TTC39B: variants seen among roughly 807,000 people sequenced by gnomAD.
TTC39B encodes the protein tetratricopeptide repeat protein 39B.
TTC39B carries 92 observed loss-of-function variants against 96.6 expected under a neutral mutation model. The ratio of observed to expected loss-of-function variants is 0.95; its 90% CI spans 0.80 to 1.13. TTC39B has a LOEUF of 1.13. Ranked by LOEUF, TTC39B falls within the 50% of genes most tolerant of loss-of-function variation. The pLI is 0.00. For missense variants in TTC39B, 955 were observed against 809.3 expected (o/e 1.18, Z -2.18); for synonymous variants, 367 against 299.4 (o/e 1.23, Z -2.33).
chr9:15,300,795 A>G (rs1410074882), intron 1 of TTC39B, among the ~76,000 whole-genome samples: 2 of 148,228 alleles, frequency 1.3e-5, no homozygotes, highest in East Asian at 4.2e-4. Context: ...CTGAGGCAGG[A>G]GAATCGGTTG....
At chr9:15,182,317 T>C (rs779421520) in exon 17 of TTC39B, 1 of 1,609,052 alleles carries the variant, frequency 6.2e-7, no homozygotes, top group African/African-American at 1.3e-5. Context: ...TTTGACTTTG[T>C]AAAGCTGCCT....
At chr9:15,225,389 C>A (rs567679527) in intron 3 of TTC39B, among the ~76,000 whole-genome samples, 21 of 152,120 alleles carry the variant, frequency 1.4e-4, no homozygotes, top group Non-Finnish European at 2.6e-4. Flanking sequence ...ATGAACACTT[C>A]TTAAAATATA....
At chr9:15,170,392 A>T (rs1431348647) in exon 20 of TTC39B, 1 of 152,196 alleles carries the variant, frequency 6.6e-6, no homozygotes, top group East Asian at 1.9e-4. Flanking sequence ...TTCATTTTAC[A>T]ACACAAACCA....
At chr9:15,249,038 A>C (rs1822410628) in intron 2 of TTC39B, 1 of 152,232 alleles carries the variant, frequency 6.6e-6, no homozygotes, top group Non-Finnish European at 1.5e-5. Flanking sequence ...AAATTATATG[A>C]ATCTGTTCAA....
exon 20 of TTC39B, chr9:15,169,086 C>A (rs1277262687): frequency 3.9e-5 from 6 of 152,134 alleles, no homozygotes; most frequent in Non-Finnish European, 7.3e-5. Context: ...CTTAAACTCA[C>A]CCCTTTGCAG....
chr9:15,240,691 A>C (rs894880205), intron 2 of TTC39B, among the ~76,000 whole-genome samples: 2 of 152,166 alleles, frequency 1.3e-5, no homozygotes, highest in African/African-American at 2.4e-5. Context: ...AATATGCAAG[A>C]ACAGTATAAT....
Position 15,190,669 on chromosome 9 carries a change from G to C in TTC39B, c.997-7C>G, listed in dbSNP as rs781781556. 6.2e-7 allele frequency: 1 copy of C among 1,607,034 alleles called. No individual in the cohort carries two copies. The highest frequency in any genetic ancestry group is 1.1e-5 in the South Asian group (1 of 90,860). ...ACTGCAGGAGGCCCAACTCCTATGG[G>C]AATTAAATGCATTTTTAGAAAGAGA... On this transcript the variant is annotated splice_polypyrimidine_tract_variant and splice_region_variant and intron_variant, in intron 10 of 19. Coordinates refer to ENST00000512701, the Ensembl canonical transcript of TTC39B.
intron 2 of TTC39B, among the ~76,000 whole-genome samples, chr9:15,236,746 G>A (rs1225180335): frequency 1.3e-5 from 2 of 152,020 alleles, no homozygotes; most frequent in African/African-American, 4.8e-5. Flanking sequence ...TGAAATTAAG[G>A]CAGAAATAAA....
At chr9:15,192,353 C>A (rs1818905741) in intron 9 of TTC39B, among the ~76,000 whole-genome samples, 1 of 152,158 alleles carries the variant, frequency 6.6e-6, no homozygotes, top group Admixed American at 6.5e-5. Context: ...AAAAACCTTA[C>A]TAGTCTATTC....
chr9:15,219,444 T>G (rs976887992), intron 3 of TTC39B, among the ~76,000 whole-genome samples: 17 of 152,304 alleles, frequency 1.1e-4, no homozygotes, highest in African/African-American at 4.1e-4. Flanking sequence ...ATTCATAAGA[T>G]CTATTGATTA....
rs769080516 is a variant in TTC39B, at chr9:15,225,993, C to A, written c.295G>T (p.Ala99Ser). 3 of 1,613,632 alleles carry A rather than the reference C, an allele frequency of 1.9e-6. No individual in the cohort carries two copies. In the African/African-American group the frequency reaches 4.0e-5, roughly 22 times the overall value. ...GATGCAAAGTGAAGGCTGCTTGTTG[C>A]CATATCTGAGTGAGAAGATCTGTTA... Residue 99 changes from alanine to serine, a missense_variant, in exon 3 of 20, where the codon GCA becomes TCA. Physicochemically the swap from Ala to Ser is moderately conservative, Grantham distance 99. Coordinates refer to ENST00000512701, the Ensembl canonical transcript of TTC39B.
chr9:15,246,983 G>T (rs895439142), intron 2 of TTC39B, among the ~76,000 whole-genome samples: 1 of 152,234 alleles, frequency 6.6e-6, no homozygotes, highest in Admixed American at 6.5e-5. Flanking sequence ...ATTAACAGAA[G>T]AATAACATTA....
At chr9:15,297,944 A>G (rs903118013) in intron 1 of TTC39B, among the ~76,000 whole-genome samples, 57 of 152,256 alleles carry the variant, frequency 3.7e-4, no homozygotes, top group African/African-American at 1.3e-3. Context: ...GATTTTATTT[A>G]TGGGTATGTC....
intron 1 of TTC39B, among the ~76,000 whole-genome samples, chr9:15,278,287 T>A (rs1404581380): frequency 6.6e-6 from 1 of 152,174 alleles, no homozygotes; most frequent in Admixed American, 6.5e-5. Context: ...GTTCTGGACA[T>A]AACCCCACAG....
At chr9:15,205,740 A>G (rs1310634153) in intron 6 of TTC39B, among the ~76,000 whole-genome samples, 1 of 152,154 alleles carries the variant, frequency 6.6e-6, no homozygotes, top group Non-Finnish European at 1.5e-5. Flanking sequence ...AGGAATTATG[A>G]GCTATGAAAG....
chr9:15,212,519 G>A (rs1458618789), intron 4 of TTC39B, among the ~76,000 whole-genome samples: 2 of 152,144 alleles, frequency 1.3e-5, no homozygotes, highest in East Asian at 1.9e-4. Flanking sequence ...TCCGCCTCCC[G>A]GGTTCAAGTG....
intron 18 of TTC39B, among the ~76,000 whole-genome samples, 173 bp from the exon 19 acceptor site, chr9:15,175,308 T>G (rs959915112): frequency 6.6e-6 from 1 of 152,218 alleles, no homozygotes; most frequent in Non-Finnish European, 1.5e-5. Context: ...ATAAATAATG[T>G]TCTTTTCCTA....
At chr9:15,233,754 T>C (rs947669652) in intron 2 of TTC39B, among the ~76,000 whole-genome samples, 6 of 152,190 alleles carry the variant, frequency 3.9e-5, no homozygotes, top group Non-Finnish European at 5.9e-5. Flanking sequence ...AGAGCCGAGA[T>C]TGCAGCCTCT....
chr9:15,181,770 C>T lies in TTC39B; in HGVS notation c.1723+537G>A, dbSNP rs138691303. On this transcript the variant is annotated intron_variant, in intron 17 of 19. Coordinates refer to ENST00000512701, the Ensembl canonical transcript of TTC39B. Reference sequence around the variant, plus strand: ...GGGAAGTGCACGTTTCCTTGTGCTGCGCTAAAATTCCAATGCTGGGCTTCC... The same window carrying T: ...GGGAAGTGCACGTTTCCTTGTGCTGTGCTAAAATTCCAATGCTGGGCTTCC... Among the ~76,000 whole-genome samples, 200 of 152,320 alleles carry T rather than the reference C, an allele frequency of 1.3e-3. No individual in the cohort carries two copies. The Middle Eastern group carries it at 0.017, about 13-fold the overall frequency.
Sources: gnomAD v4.1 joint callset for allele counts (sites outside exome capture counted in the v4.1 genomes callset) on GRCh38, gnomAD v4.1.1 for gene constraint, MANE v1.5 for transcripts, NCBI Gene and HGNC (gene_info 2026-07-23, HGNC 2026-07-21) for gene names.